The following MARCHF10 variants were observed in gnomAD, a reference collection of about 807,000 sequenced individuals.
MARCHF10 encodes the protein membrane associated ring-CH-type finger 10.
A neutral mutation model predicts 76.2 loss-of-function variants in MARCHF10; 64 were observed. The observed-to-expected ratio is 0.84, with a 90% CI of 0.69 to 1.03. MARCHF10 has a LOEUF of 1.03. MARCHF10 is among the 50% of genes least tolerant of loss of function. The pLI, the probability that MARCHF10 is intolerant of heterozygous loss-of-function variation, is 0.00. For synonymous variants in MARCHF10, 340 were observed against 357.5 expected (o/e 0.95, Z 0.55); for missense variants, 875 against 958.0 (o/e 0.91, Z 1.14).
At position 62,738,991 on chromosome 17, in the gene MARCHF10, T is replaced by C. The variant is rs2091401800; in HGVS notation, c.536-1659A>G. Among the ~76,000 whole-genome samples the C allele has an allele frequency of 6.6e-6, 1 of 152,326 alleles. No individual in the cohort carries two copies. The highest frequency in any genetic ancestry group is 2.4e-5 in the African/African-American group (1 of 41,584). On this transcript the variant is annotated intron_variant, in intron 5 of 10. Coordinates refer to ENST00000311269, the MANE Select transcript of MARCHF10 (RefSeq NM_152598.4). This position sits in a 1 kb window ranked among gnomAD's most constrained non-coding sequence, Gnocchi z 4.0. ...TTCTACGTAAGCAACTGAATTCTCC[T>C]GAAAATTTTTTAAAATAGAAAAGGG...
chr17:62,745,886 C>T (rs17746094), intron 4 of MARCHF10, among the ~76,000 whole-genome samples: 5,184 of 152,284 alleles, frequency 0.034, 142 homozygotes, highest in Non-Finnish European at 0.056. Context: ...GCAGTTACAT[C>T]GTGAATATCT....
chr17:62,762,030 T>TCAGCAGCAGTAG lies in MARCHF10; in HGVS notation c.211-2036_211-2025dup, dbSNP rs538375409. Among the ~76,000 whole-genome samples the TCAGCAGCAGTAG allele has an allele frequency of 2.0e-3, 310 of 152,262 alleles. 2 individuals are homozygous for TCAGCAGCAGTAG. The highest frequency in any genetic ancestry group is 7.3e-3 in the African/African-American group (303 of 41,542). On this transcript the variant is annotated intron_variant, in intron 3 of 10. Transcript: ENST00000311269. Reference sequence around the variant, plus strand: ...CAGGCGAGGATGACCAACACCTGTGTCAGCAGCAGTAGCAGCAGCAGCAGC... The same window carrying TCAGCAGCAGTAG: ...CAGGCGAGGATGACCAACACCTGTGTCAGCAGCAGTAGCAGCAGCAGTAGCAGCAGCAGCAGC...
At chr17:62,713,963 C>T (rs778277411) in intron 8 of MARCHF10, among the ~76,000 whole-genome samples, 18 of 152,230 alleles carry the variant, frequency 1.2e-4, no homozygotes, top group Non-Finnish European at 1.8e-4. Flanking sequence ...TTGCTACTGA[C>T]GGAAATTCTC....
intron 2 of MARCHF10, among the ~76,000 whole-genome samples, chr17:62,794,842 T>C (rs1283520425): frequency 6.6e-6 from 1 of 152,232 alleles, no homozygotes; most frequent in Non-Finnish European, 1.5e-5. Flanking sequence ...GTTGTTGTTC[T>C]TGCGATCTGA....
chr17:62,724,140 G>A (rs891448136), intron 7 of MARCHF10, among the ~76,000 whole-genome samples: 5 of 151,768 alleles, frequency 3.3e-5, no homozygotes, highest in Non-Finnish European at 7.4e-5. Context: ...GAAAGAAGCC[G>A]CAGCTATTTT....
At chr17:62,713,529 T>C (rs996033645) in intron 8 of MARCHF10, among the ~76,000 whole-genome samples, 3 of 152,228 alleles carry the variant, frequency 2.0e-5, no homozygotes, top group African/African-American at 7.2e-5. Context: ...TTCCTTTATG[T>C]GCGCCCTTTG....
chr17:62,793,849 AC>A (rs2092934197), intron 2 of MARCHF10, among the ~76,000 whole-genome samples: 1 of 133,366 alleles, frequency 7.5e-6, no homozygotes, highest in African/African-American at 2.9e-5. Flanking sequence ...CACCTCCATC[AC>A]CACCACTACC....
rs2092935143 is a variant in MARCHF10 at position 62,793,890 on chromosome 17, C to T, written c.91-5291G>A. 3.4e-5 allele frequency among the ~76,000 whole-genome samples: 5 copies of T among 148,962 alleles called. No homozygotes were observed. In the South Asian group the frequency reaches 1.1e-3, roughly 32 times the overall value. ...CCATCAACCACCACCACCACCACAT[C>T]CATCAACCACCACCTCCATCATCAC... On this transcript the variant is annotated intron_variant, in intron 2 of 10. Transcript: ENST00000311269.
chr17:62,715,909 A>G (rs1177385328), intron 8 of MARCHF10, among the ~76,000 whole-genome samples: 1 of 152,054 alleles, frequency 6.6e-6, no homozygotes, highest in Non-Finnish European at 1.5e-5. Flanking sequence ...CTCTGACGGG[A>G]GCCCCTCCAC....
At chr17:62,805,503 A>G (rs1342163574) in intron 1 of MARCHF10, among the ~76,000 whole-genome samples, 1 of 152,228 alleles carries the variant, frequency 6.6e-6, no homozygotes. Flanking sequence ...TTAATCTATC[A>G]CGGCTTTAGA....
chr17:62,753,371 C>T (rs565441628), intron 4 of MARCHF10, among the ~76,000 whole-genome samples: 19 of 152,108 alleles, frequency 1.2e-4, no homozygotes, highest in South Asian at 4.1e-4. Flanking sequence ...CCTCCCAAAG[C>T]GCTGGGATTA....
intron 3 of MARCHF10, among the ~76,000 whole-genome samples, chr17:62,768,832 T>A (rs1483319597): frequency 6.6e-6 from 1 of 152,238 alleles, no homozygotes; most frequent in Non-Finnish European, 1.5e-5. Context: ...TAAGAAAATT[T>A]AATCGTTCCA....
In MARCHF10 at chr17:62,737,222, CAG is replaced by C. The variant is rs1568136939; in HGVS notation, c.644_645del (p.Pro215ArgfsTer2). 6.2e-7 allele frequency: 1 copy of C among 1,614,022 alleles called. No individual in the cohort carries two copies. The highest frequency in any genetic ancestry group is 2.2e-5 in the East Asian group (1 of 44,874). ...CTCGGGTCTCCTTTTTTGGCTCTAT[CAG>C]GGGCGTTCTCAGTCATTGGCTGTGA... ...PSSQPMTENA[P>X]DRAKKGDPSA... On this transcript the variant is annotated frameshift_variant, in exon 6 of 11. Transcript: ENST00000311269. LOFTEE classifies it high-confidence loss of function.
chr17:62,759,778 G>A (rs2092145588), intron 4 of MARCHF10, 57 bp downstream of exon 4: 5 of 1,570,742 alleles, frequency 3.2e-6, no homozygotes, highest in Middle Eastern at 1.7e-4. Context: ...GCCTGTTGTT[G>A]TTATTTTTAA....
At chr17:62,726,732 G>A (rs1042603189) in intron 6 of MARCHF10, among the ~76,000 whole-genome samples, 3 of 152,160 alleles carry the variant, frequency 2.0e-5, no homozygotes, top group Non-Finnish European at 4.4e-5. Flanking sequence ...GGATTCAAGC[G>A]ATTCTCCTGC....
chr17:62,774,436 T>C (rs1252377004), intron 3 of MARCHF10, among the ~76,000 whole-genome samples: 1 of 151,750 alleles, frequency 6.6e-6, no homozygotes, highest in African/African-American at 2.4e-5. Context: ...GGGGAGAGGA[T>C]GGTAGAATGA....
At chr17:62,709,642 A>G (rs1201771732) in intron 9 of MARCHF10, among the ~76,000 whole-genome samples, 2 of 152,192 alleles carry the variant, frequency 1.3e-5, no homozygotes, top group Non-Finnish European at 2.9e-5. Context: ...CTTTTGCTCA[A>G]TGTTACCATC....
At chr17:62,734,134 C>T (rs28674786) in intron 6 of MARCHF10, among the ~76,000 whole-genome samples, 50,569 of 151,628 alleles carry the variant, frequency 0.33, 8,616 homozygotes, top group Non-Finnish European at 0.38. Flanking sequence ...CAGTGAGTCG[C>T]GATCATGCCA....
chr17:62,724,245 C>A (rs1369646435), intron 7 of MARCHF10, among the ~76,000 whole-genome samples: 1 of 148,630 alleles, frequency 6.7e-6, no homozygotes, highest in Non-Finnish European at 1.5e-5. Context: ...TTTAAAGAAA[C>A]CTTCTGTTCT....
Sources: gnomAD v4.1 joint callset for allele counts (sites outside exome capture counted in the v4.1 genomes callset) on GRCh38, gnomAD v4.1.1 for gene constraint, Gnocchi (gnomAD v3.1) non-coding constraint, MANE v1.5 for transcripts, NCBI Gene and HGNC (gene_info 2026-07-23, HGNC 2026-07-21) for gene names.